NAA60: variants seen among roughly 807,000 people sequenced by gnomAD.
NAA60 encodes the protein N-alpha-acetyltransferase 60.
A neutral mutation model predicts 26.1 loss-of-function variants in NAA60; 8 were observed. That is an observed-to-expected ratio of 0.31 (90% CI 0.18 to 0.55). The LOEUF (loss-of-function observed/expected upper bound fraction) is 0.55, where lower values mean the gene tolerates loss of function less well. Among genes scored for constraint, NAA60 ranks in the 20% least tolerant of loss-of-function variants. The pLI is 0.93. For missense variants in NAA60, 290 were observed against 311.3 expected (o/e 0.93, Z 0.51); for synonymous variants, 131 against 122.5 (o/e 1.07, Z -0.46).
chr16:3,483,392 C>T lies in NAA60; in HGVS notation c.367C>T (p.His123Tyr). ...CCTCTTACTTGAAAGTTTAAAGGAT[C>T]ACATATCAACCACCGCCCAGGACCA... ...GSLLLESLKD[H>Y]ISTTAQDHCK... is the part of the protein sequence containing the mutation. Residue 123 changes from histidine (H) to tyrosine (Y), a missense_variant, in exon 6 of 8, where the codon CAC becomes TAC. Transcript: ENST00000407558. The T allele has an allele frequency of 6.2e-7, 1 of 1,613,020 alleles. No homozygotes were observed. Among genetic ancestry groups the T allele is most frequent in the Non-Finnish European group, 8.5e-7 (1 of 1,179,382 alleles).
At chr16:3,480,370 G>T (rs1185436210) in intron 4 of NAA60, among the ~76,000 whole-genome samples, 1 of 152,180 alleles carries the variant, frequency 6.6e-6, no homozygotes, top group Non-Finnish European at 1.5e-5. Context: ...GCCGAGGCGG[G>T]CAGATCATCT....
intron 2 of NAA60, among the ~76,000 whole-genome samples, chr16:3,472,577 T>A (rs2036223369): frequency 6.6e-6 from 1 of 152,002 alleles, no homozygotes; most frequent in South Asian, 2.1e-4. Flanking sequence ...GGATTACAGG[T>A]GCCTGCCACT....
At chr16:3,447,251 CAAT>C (rs1451737827) in intron 1 of NAA60, among the ~76,000 whole-genome samples, 1 of 152,040 alleles carries the variant, frequency 6.6e-6, no homozygotes, top group Non-Finnish European at 1.5e-5. Context: ...GAAACAAAAA[CAAT>C]AACAAAGTTG....
chr16:3,446,620 T>G (rs2034567381), intron 1 of NAA60, among the ~76,000 whole-genome samples: 1 of 41,848 alleles, frequency 2.4e-5, no homozygotes, highest in African/African-American at 5.6e-5. Context: ...TTATTATTTG[T>G]TTTTTTTTTT....
chr16:3,466,829 T>G (rs2035796202), intron 2 of NAA60, among the ~76,000 whole-genome samples: 1 of 152,066 alleles, frequency 6.6e-6, no homozygotes, highest in South Asian at 2.1e-4. Context: ...GGGCTCTGGA[T>G]TTTGCAGAGG....
At chr16:3,475,535 C>T (rs901219170) in intron 2 of NAA60, among the ~76,000 whole-genome samples, 1 of 152,202 alleles carries the variant, frequency 6.6e-6, no homozygotes, top group African/African-American at 2.4e-5. Context: ...TTAAATAAAA[C>T]AGGGGGGCTG....
chr16:3,484,656 G>A, intron 6 of NAA60, 43 bp from the exon 7 acceptor site: 1 of 1,557,758 alleles, frequency 6.4e-7, no homozygotes, highest in Non-Finnish European at 8.7e-7. Context: ...GCCCTGGCGA[G>A]CGTGGTCAGG....
At chr16:3,479,000 C>A (rs908872913) in intron 3 of NAA60, among the ~76,000 whole-genome samples, 1 of 152,078 alleles carries the variant, frequency 6.6e-6, no homozygotes, top group Non-Finnish European at 1.5e-5. Context: ...CTTTGGGAGG[C>A]CAAGACGGGC....
At chr16:3,449,379 G>A (rs746556185) in intron 2 of NAA60, among the ~76,000 whole-genome samples, 60 of 152,094 alleles carry the variant, frequency 3.9e-4, no homozygotes, top group Non-Finnish European at 6.6e-4. Context: ...TTAGCTGGGC[G>A]TGGTGGTGGG....
chr16:3,450,038 GAGAAA>G (rs201591225), intron 2 of NAA60: 1 of 208,204 alleles, frequency 4.8e-6, no homozygotes, highest in East Asian at 4.6e-5. Context: ...CTCAAAAAAA[GAGAAA>G]AGAAGAAGAA....
At chr16:3,465,266 C>CAA (rs529847098) in intron 2 of NAA60, among the ~76,000 whole-genome samples, 4 of 87,660 alleles carry the variant, frequency 4.6e-5, no homozygotes, top group Admixed American at 2.5e-4. Context: ...GACTCTGTCT[C>CAA]AAAAAAAAAA....
At chr16:3,485,256 G>A (rs2037093159) in intron 7 of NAA60, 195 bp downstream of exon 7, 1 of 639,798 alleles carries the variant, frequency 1.6e-6, no homozygotes. Context: ...CATGGCAACT[G>A]GGCTGTGCAC....
At chr16:3,472,854 C>T (rs2036239824) in intron 2 of NAA60, among the ~76,000 whole-genome samples, 1 of 152,230 alleles carries the variant, frequency 6.6e-6, no homozygotes. Flanking sequence ...AATTCTGGAA[C>T]ATTCTGTCAT....
chr16:3,459,508 T>A (rs1287500009), intron 2 of NAA60, among the ~76,000 whole-genome samples: 1 of 152,230 alleles, frequency 6.6e-6, no homozygotes, highest in Middle Eastern at 3.2e-3. Context: ...CAGTTATCTT[T>A]CCAAACAGAC....
At chr16:3,443,914 TC>T (rs1458369634) in intron 1 of NAA60, 77 bp downstream of exon 1, 7 of 1,471,866 alleles carry the variant, frequency 4.8e-6, no homozygotes, top group Non-Finnish European at 5.4e-6. Flanking sequence ...GGGCGGGGGT[TC>T]GGGCCTAGCC....
In NAA60 at chr16:3,458,002, C is replaced by T. The variant is rs2035090026; in HGVS notation, c.-7+9462C>T. 1.9e-5 allele frequency: 19 copies of T among 985,208 alleles called. No individual in the cohort carries two copies. The South Asian group carries it at 7.0e-4, about 37-fold the overall frequency. The allele number at this position is 985,208 out of a possible 1,614,324, so 61.0% of individuals were successfully genotyped here. ...CGGCGGCCAATGGGCTTCCGGGCTG[C>T]GCTGCCGGCAGGGAGCGGGAGGCGG... On this transcript the variant is annotated intron_variant, in intron 2 of 7. Transcript: ENST00000407558.
chr16:3,455,705 G>GT (rs975769429), intron 2 of NAA60, among the ~76,000 whole-genome samples: 4 of 149,486 alleles, frequency 2.7e-5, no homozygotes, highest in African/African-American at 9.9e-5. Flanking sequence ...CAAGTTTTGG[G>GT]TTTTTTTGTT....
At chr16:3,460,273 C>G (rs891385074) in intron 2 of NAA60, among the ~76,000 whole-genome samples, 5 of 152,218 alleles carry the variant, frequency 3.3e-5, no homozygotes, top group African/African-American at 1.2e-4. Context: ...TCCTCCACAT[C>G]TGCGTCATCT....
At chr16:3,476,431 C>T in intron 3 of NAA60, 94 bp downstream of exon 3, 1 of 1,044,454 alleles carries the variant, frequency 9.6e-7, no homozygotes, top group Non-Finnish European at 1.4e-6. Flanking sequence ...GCCCTTAGGA[C>T]CGTGCTGCAA....
Sources: allele counts gnomAD v4.1 joint callset (sites outside exome capture counted in the v4.1 genomes callset), GRCh38; gene constraint gnomAD v4.1.1; transcripts MANE v1.5; gene names NCBI Gene and HGNC (gene_info 2026-07-23, HGNC 2026-07-21).